DISC1: variants seen among roughly 807,000 people sequenced by gnomAD.
The protein encoded by DISC1 is DISC1 scaffold protein, also known as disrupted in schizophrenia 1 protein.
In DISC1, 57 loss-of-function variants were observed where a neutral mutation model predicts 84.5. That is an observed-to-expected ratio of 0.67 (90% CI 0.55 to 0.84). The LOEUF is 0.84. Ranked by LOEUF, DISC1 falls within the 40% of genes least tolerant of loss-of-function variation. The probability of loss-of-function intolerance (pLI) is 0.00; values close to 1 mark genes in which losing one functional copy is unlikely to be tolerated. For synonymous variants in DISC1, 411 were observed against 415.2 expected (o/e 0.99, Z 0.12); for missense variants, 1,000 against 1,057.8 (o/e 0.95, Z 0.76).
intron 3 of DISC1, among the ~76,000 whole-genome samples, chr1:231,744,179 C>G (rs908070263): frequency 6.6e-6 from 1 of 152,022 alleles, no homozygotes; most frequent in Non-Finnish European, 1.5e-5. Context: ...CTCATTATGA[C>G]GTAAAAAAGG....
chr1:231,715,395 T>G (rs1363249753), intron 3 of DISC1, among the ~76,000 whole-genome samples: 1 of 152,234 alleles, frequency 6.6e-6, no homozygotes, highest in Non-Finnish European at 1.5e-5. Flanking sequence ...ATTCATTTGG[T>G]CAATACAGTC....
chr1:231,749,307 T>G (rs532076524), intron 3 of DISC1, among the ~76,000 whole-genome samples: 2 of 152,350 alleles, frequency 1.3e-5, no homozygotes, highest in Admixed American at 6.5e-5. Context: ...CCAAATGATC[T>G]GGAGTTTATT....
intron 6 of DISC1, among the ~76,000 whole-genome samples, chr1:231,773,601 G>A (rs1039665460): frequency 2.6e-5 from 4 of 152,126 alleles, no homozygotes; most frequent in Admixed American, 6.5e-5. Flanking sequence ...AGCCAGGATG[G>A]TCTTAATTTC....
chr1:231,916,426 G>A (rs1285452332), intron 9 of DISC1, among the ~76,000 whole-genome samples: 9 of 151,810 alleles, frequency 5.9e-5, no homozygotes, highest in Non-Finnish European at 8.8e-5. Context: ...AGGCCGAGGC[G>A]GGCGGATCAC....
At chr1:231,754,158 A>G (rs1449855519) in intron 4 of DISC1, among the ~76,000 whole-genome samples, 2 of 152,146 alleles carry the variant, frequency 1.3e-5, no homozygotes, top group Admixed American at 1.3e-4. Flanking sequence ...CCGATTCCAA[A>G]GCCAGTTCCA....
Position 231,829,074 on chromosome 1 carries a change from C to T in DISC1, c.1981+10557C>T, listed in dbSNP as rs143244989. Among the ~76,000 whole-genome samples the T allele has an allele frequency of 1.1e-4, 16 of 152,252 alleles. No homozygotes were observed. The East Asian group carries it at 3.1e-3, about 29-fold the overall frequency. ...CCAAGGATCAATATACTGTGACTTA[C>T]TTAACTACCTCCTTATTCTGAGGTG... On this transcript the variant is annotated intron_variant, in intron 9 of 12. Coordinates refer to ENST00000439617, the MANE Select transcript of DISC1 (RefSeq NM_018662.3).
At chr1:231,892,258 G>A (rs1042636902) in intron 9 of DISC1, among the ~76,000 whole-genome samples, 1 of 152,188 alleles carries the variant, frequency 6.6e-6, no homozygotes, top group African/African-American at 2.4e-5. Context: ...TCTTCAAGAA[G>A]ATTGATTCTA....
At chr1:231,639,580 C>T (rs998397215) in intron 1 of DISC1, among the ~76,000 whole-genome samples, 2 of 152,140 alleles carry the variant, frequency 1.3e-5, no homozygotes, top group Non-Finnish European at 1.5e-5. Context: ...TAACCACAAC[C>T]GGCTGAGTGG....
At chr1:231,691,245 A>G (rs946587114) in intron 1 of DISC1, among the ~76,000 whole-genome samples, 12 of 152,136 alleles carry the variant, frequency 7.9e-5, no homozygotes, top group African/African-American at 2.9e-4. Flanking sequence ...AGCCTGGCCA[A>G]TATGGTGAAA....
At chr1:231,920,344 ACATCAT>A (rs2089918941) in intron 9 of DISC1, among the ~76,000 whole-genome samples, 1 of 152,204 alleles carries the variant, frequency 6.6e-6, no homozygotes, top group South Asian at 2.1e-4. Context: ...TGTTGTGCAA[ACATCAT>A]CACCATTCAT....
chr1:232,035,370 C>T (rs977851915), intron 12 of DISC1, among the ~76,000 whole-genome samples: 4 of 152,060 alleles, frequency 2.6e-5, no homozygotes, highest in African/African-American at 9.7e-5. Context: ...ACTTGAATCC[C>T]GGAGACGGAG....
intron 6 of DISC1, among the ~76,000 whole-genome samples, chr1:231,776,534 G>T (rs1035867031): frequency 6.6e-6 from 1 of 152,154 alleles, no homozygotes; most frequent in Non-Finnish European, 1.5e-5. Flanking sequence ...GGAGGCTCGC[G>T]GGTGGAGAGG....
At chr1:231,751,052 G>C (rs2074553615) in intron 4 of DISC1, among the ~76,000 whole-genome samples, 1 of 152,314 alleles carries the variant, frequency 6.6e-6, no homozygotes, top group Non-Finnish European at 1.5e-5. Context: ...AATGGCACCT[G>C]GTAGGTGCTT....
chr1:231,870,119 G>A (rs1229700738), intron 9 of DISC1, among the ~76,000 whole-genome samples: 2 of 152,126 alleles, frequency 1.3e-5, no homozygotes, highest in Non-Finnish European at 2.9e-5. Context: ...GAGTGAGGAA[G>A]GCTCAGAAGA....
At chr1:231,631,890 A>C (rs1489813182) in intron 1 of DISC1, among the ~76,000 whole-genome samples, 1 of 151,936 alleles carries the variant, frequency 6.6e-6, no homozygotes. Flanking sequence ...TATGTCCTCA[A>C]CCCTCACGTG....
intron 11 of DISC1, among the ~76,000 whole-genome samples, chr1:232,015,760 G>A (rs1668438847): frequency 6.6e-6 from 1 of 152,160 alleles, no homozygotes; most frequent in African/African-American, 2.4e-5. Flanking sequence ...AAGACTTACT[G>A]CACTGCCTTT....
At chr1:231,919,104 C>T (rs1458195630) in intron 9 of DISC1, among the ~76,000 whole-genome samples, 2 of 152,152 alleles carry the variant, frequency 1.3e-5, no homozygotes, top group East Asian at 3.9e-4. Flanking sequence ...TCAAAGTCTT[C>T]GTTGATGGAT....
At chr1:231,863,104 C>T (rs1455978823) in intron 9 of DISC1, among the ~76,000 whole-genome samples, 1 of 151,890 alleles carries the variant, frequency 6.6e-6, no homozygotes, top group Non-Finnish European at 1.5e-5. Context: ...CAGATAAGCT[C>T]CAAGTTTCAG....
chr1:231,846,521 C>T (rs149454478), intron 9 of DISC1, among the ~76,000 whole-genome samples: 10 of 152,310 alleles, frequency 6.6e-5, no homozygotes, highest in African/African-American at 2.2e-4. Flanking sequence ...AACAGAAAAT[C>T]GTCGCATTCT....
Sources: gnomAD v4.1 joint callset for allele counts (sites outside exome capture counted in the v4.1 genomes callset) on GRCh38, gnomAD v4.1.1 for gene constraint, MANE v1.5 for transcripts, NCBI Gene and HGNC (gene_info 2026-07-23, HGNC 2026-07-21) for gene names.